Variants in NIPBL observed in about 807,000 individuals in gnomAD.
NIPBL encodes NIPBL cohesin loading factor, also known as nipped-B-like protein.
A neutral mutation model predicts 321.8 loss-of-function variants in NIPBL; 19 were observed. The observed-to-expected ratio is 0.06, with a 90% CI of 0.04 to 0.09. The LOEUF (loss-of-function observed/expected upper bound fraction) is 0.09, where lower values mean the gene tolerates loss of function less well. NIPBL is among the 10% of genes least tolerant of loss of function. The pLI, the probability that NIPBL is intolerant of heterozygous loss-of-function variation, is 1.00. For missense variants in NIPBL, 2,210 were observed against 3,327.0 expected (o/e 0.66, Z 8.26); for synonymous variants, 1,106 against 1,114.1 (o/e 0.99, Z 0.14).
At chr5:37,034,523 G>A (rs1751472440) in intron 32 of NIPBL, among the ~76,000 whole-genome samples, 1 of 152,110 alleles carries the variant, frequency 6.6e-6, no homozygotes, top group African/African-American at 2.4e-5. Flanking sequence ...CACACAGTGG[G>A]GTGTTGTACA....
At chr5:37,037,653 C>T (rs528491362) in intron 33 of NIPBL, among the ~76,000 whole-genome samples, 53 of 145,812 alleles carry the variant, frequency 3.6e-4, no homozygotes, top group African/African-American at 1.2e-3. Context: ...TCCATGTGTA[C>T]CTCTTTTTTT....
chr5:36,982,980 T>C (rs2149639804), intron 9 of NIPBL, among the ~76,000 whole-genome samples: 1 of 152,096 alleles, frequency 6.6e-6, no homozygotes, highest in African/African-American at 2.4e-5. Flanking sequence ...TATAAAAGTT[T>C]AAGGGATAAG....
chr5:36,892,798 G>A (rs1240320726), intron 1 of NIPBL, among the ~76,000 whole-genome samples: 1 of 151,856 alleles, frequency 6.6e-6, no homozygotes, highest in East Asian at 1.9e-4. Context: ...TGGGGTGGGG[G>A]GAGTGGGGAG....
chr5:36,941,505 C>G (rs1164138702), intron 1 of NIPBL, among the ~76,000 whole-genome samples: 1 of 149,180 alleles, frequency 6.7e-6, no homozygotes, highest in African/African-American at 2.5e-5. Context: ...CGTTCAAAAC[C>G]CAGAACCAAA....
At chr5:36,970,000 A>G (rs1403722361) in intron 6 of NIPBL, among the ~76,000 whole-genome samples, 1 of 152,224 alleles carries the variant, frequency 6.6e-6, no homozygotes, top group Admixed American at 6.5e-5. Context: ...TGTTTATGGC[A>G]GCAAGCATTT....
At chr5:37,023,680 CAGAATTCAGTCAAAG>C (rs1749913065) in intron 29 of NIPBL, among the ~76,000 whole-genome samples, 1 of 149,128 alleles carries the variant, frequency 6.7e-6, no homozygotes, top group Non-Finnish European at 1.5e-5. Flanking sequence ...TTTTAAGAAT[CAGAATTCAGTCAAAG>C]GTAATACATT....
At chr5:36,912,437 A>C (rs1399514769) in intron 1 of NIPBL, among the ~76,000 whole-genome samples, 1 of 152,056 alleles carries the variant, frequency 6.6e-6, no homozygotes, top group African/African-American at 2.4e-5. Flanking sequence ...CAGTCTGAGA[A>C]TCATCAGCAT....
chr5:36,882,470 T>C (rs1745579742), intron 1 of NIPBL, among the ~76,000 whole-genome samples: 1 of 151,950 alleles, frequency 6.6e-6, no homozygotes, highest in African/African-American at 2.4e-5. Context: ...GTCACACAAC[T>C]AATAAGTTCA....
intron 1 of NIPBL, among the ~76,000 whole-genome samples, chr5:36,882,100 T>C (rs1745549045): frequency 6.6e-6 from 1 of 151,978 alleles, no homozygotes; most frequent in South Asian, 2.1e-4. Context: ...TGTGCGCTTA[T>C]TCCAGAACTG....
chr5:36,982,762 TC>T (rs1744289383), intron 9 of NIPBL, among the ~76,000 whole-genome samples: 2 of 151,864 alleles, frequency 1.3e-5, no homozygotes, highest in Non-Finnish European at 2.9e-5. Context: ...CCTTTAAAAA[TC>T]AGCCCTCTAA....
At chr5:37,011,488 C>T (rs1030410653) in intron 21 of NIPBL, among the ~76,000 whole-genome samples, 3 of 152,034 alleles carry the variant, frequency 2.0e-5, no homozygotes, top group Non-Finnish European at 4.4e-5. Context: ...CTTGAGAGAT[C>T]GAGACTCAGT....
chr5:37,054,182 C>T (rs1345010185), intron 42 of NIPBL, among the ~76,000 whole-genome samples: 3 of 140,092 alleles, frequency 2.1e-5, no homozygotes, highest in Non-Finnish European at 4.5e-5. Context: ...GCCGACAGAG[C>T]GAGACTCCGT....
chr5:37,010,968 A>C (rs923272718), intron 21 of NIPBL, among the ~76,000 whole-genome samples: 7 of 152,186 alleles, frequency 4.6e-5, no homozygotes, highest in African/African-American at 1.7e-4. Flanking sequence ...TCATTAGGGC[A>C]TTTTGCATTT....
At chr5:37,043,199 C>T (rs1752626303) in intron 34 of NIPBL, among the ~76,000 whole-genome samples, 1 of 152,072 alleles carries the variant, frequency 6.6e-6, no homozygotes, top group Admixed American at 6.6e-5. Context: ...AATTCAAAAC[C>T]AGCCTGCGCA....
chr5:36,980,156 A>G (rs1039371566), intron 9 of NIPBL, among the ~76,000 whole-genome samples: 1 of 151,770 alleles, frequency 6.6e-6, no homozygotes, highest in African/African-American at 2.4e-5. Flanking sequence ...CTTTGGAAAA[A>G]TAGAACAAAG....
At chr5:36,878,709 A>G (rs1204224384) in intron 1 of NIPBL, among the ~76,000 whole-genome samples, 2 of 152,192 alleles carry the variant, frequency 1.3e-5, no homozygotes, top group Admixed American at 6.5e-5. Flanking sequence ...TTTCCTGCAA[A>G]CGTACGGATA....
intron 1 of NIPBL, among the ~76,000 whole-genome samples, chr5:36,914,361 T>A (rs761666322): frequency 7.9e-5 from 12 of 152,196 alleles, no homozygotes; most frequent in Non-Finnish European, 1.6e-4. Flanking sequence ...TATTAAATTG[T>A]ACTAAAAAAG....
At chr5:36,901,843 A>C (rs981843530) in intron 1 of NIPBL, among the ~76,000 whole-genome samples, 4 of 152,168 alleles carry the variant, frequency 2.6e-5, no homozygotes, top group African/African-American at 4.8e-5. Flanking sequence ...ACTGTTTTCC[A>C]CAGTGGCTGA....
chr5:37,049,716 C>A (rs1026733680), intron 40 of NIPBL, among the ~76,000 whole-genome samples: 1 of 152,150 alleles, frequency 6.6e-6, no homozygotes, highest in African/African-American at 2.4e-5. Context: ...ATTCCTTCAT[C>A]TTTAAGTTGG....
Sources: allele counts gnomAD v4.1 joint callset (sites outside exome capture counted in the v4.1 genomes callset), GRCh38; gene constraint gnomAD v4.1.1; transcripts MANE v1.5; gene names NCBI Gene and HGNC (gene_info 2026-07-23, HGNC 2026-07-21).